EYA1: variants seen among roughly 807,000 people sequenced by gnomAD.
The protein encoded by EYA1 is EYA transcriptional coactivator and phosphatase 1, also known as protein phosphatase EYA1.
In EYA1, 16 loss-of-function variants were observed where a neutral mutation model predicts 82.0. The observed-to-expected ratio is 0.20, with a 90% CI of 0.13 to 0.30. EYA1 has a LOEUF of 0.30. Among genes scored for constraint, EYA1 ranks in the 10% least tolerant of loss-of-function variants. EYA1 has a pLI of 1.00. For missense variants in EYA1, 633 were observed against 730.7 expected (o/e 0.87, Z 1.54); for synonymous variants, 261 against 264.4 (o/e 0.99, Z 0.12).
chr8:71,522,422 A>T (rs1248654916), intron 2 of EYA1, among the ~76,000 whole-genome samples: 1 of 152,222 alleles, frequency 6.6e-6, no homozygotes, highest in African/African-American at 2.4e-5. Context: ...GGTCTCTGCT[A>T]CACAGTAAGT....
intron 2 of EYA1, among the ~76,000 whole-genome samples, chr8:71,444,902 G>A (rs1198765559): frequency 1.3e-5 from 2 of 152,252 alleles, no homozygotes; most frequent in Non-Finnish European, 2.9e-5. Flanking sequence ...AAACTATGCA[G>A]TTTTAAATGA....
At chr8:71,370,402 T>C (rs1828011746) in intron 2 of EYA1, among the ~76,000 whole-genome samples, 1 of 148,390 alleles carries the variant, frequency 6.7e-6, no homozygotes, top group South Asian at 2.2e-4. Flanking sequence ...ACTATGGGCA[T>C]AGATGAAAAA....
intron 2 of EYA1, among the ~76,000 whole-genome samples, chr8:71,518,495 G>A (rs2129266372): frequency 6.6e-6 from 1 of 152,222 alleles, no homozygotes; most frequent in East Asian, 1.9e-4. Flanking sequence ...GGAATAGTGT[G>A]ACCATTACCT....
intron 9 of EYA1, among the ~76,000 whole-genome samples, chr8:71,284,224 G>T (rs990309292): frequency 7.2e-5 from 11 of 152,336 alleles, no homozygotes; most frequent in African/African-American, 2.2e-4. Flanking sequence ...ACCAGAGCTT[G>T]GCTGCTTGGG....
intron 3 of EYA1, among the ~76,000 whole-genome samples, chr8:71,336,098 C>T (rs1462123557): frequency 2.0e-5 from 3 of 152,102 alleles, no homozygotes; most frequent in Non-Finnish European, 4.4e-5. Flanking sequence ...ACATTAAAAC[C>T]AAAGGGGTTA....
chr8:71,276,489 C>T (rs1339638288), intron 9 of EYA1, among the ~76,000 whole-genome samples: 2 of 152,202 alleles, frequency 1.3e-5, no homozygotes, highest in Admixed American at 1.3e-4. Context: ...GGAATCCTCC[C>T]TATCAACAAG....
intron 2 of EYA1, among the ~76,000 whole-genome samples, chr8:71,480,103 GA>G (rs1050049220): frequency 6.6e-6 from 1 of 151,930 alleles, no homozygotes; most frequent in Non-Finnish European, 1.5e-5. Context: ...GAAGAAGAAA[GA>G]AAAAAATCCC....
chr8:71,203,138 G>A (rs886596296), intron 17 of EYA1, among the ~76,000 whole-genome samples: 1 of 152,124 alleles, frequency 6.6e-6, no homozygotes, highest in African/African-American at 2.4e-5. Flanking sequence ...TCTCAACTTT[G>A]ACATTAGCTA....
chr8:71,467,880 T>G (rs1808893603), intron 2 of EYA1, among the ~76,000 whole-genome samples: 1 of 152,170 alleles, frequency 6.6e-6, no homozygotes. Context: ...TCTTGAATAA[T>G]TTGAATTTTC....
At chr8:71,516,944 G>A (rs1813017567) in intron 2 of EYA1, among the ~76,000 whole-genome samples, 1 of 151,946 alleles carries the variant, frequency 6.6e-6, no homozygotes. Context: ...CAAACTACTT[G>A]TGTTCTATCC....
chr8:71,425,316 T>C (rs1277509387), intron 2 of EYA1, among the ~76,000 whole-genome samples: 2 of 151,950 alleles, frequency 1.3e-5, no homozygotes, highest in African/African-American at 4.8e-5. Flanking sequence ...ATGCACACTT[T>C]AAAAACTTGC....
intron 2 of EYA1, among the ~76,000 whole-genome samples, chr8:71,445,520 G>A (rs1430257387): frequency 6.6e-6 from 1 of 152,110 alleles, no homozygotes; most frequent in Non-Finnish European, 1.5e-5. Context: ...GTAAGCAATA[G>A]GAACTGATTT....
At chr8:71,373,466 A>G (rs1828196300) in intron 2 of EYA1, among the ~76,000 whole-genome samples, 1 of 152,076 alleles carries the variant, frequency 6.6e-6, no homozygotes, top group African/African-American at 2.4e-5. Flanking sequence ...ATTATATGAA[A>G]CATTGATGAA....
rs960544603 is a variant in EYA1 at position 71,198,200 on chromosome 8, T to C, written c.*1140A>G. ...AATAAAATATATCTACTATCATCTA[T>C]ATTCTTTGTGGGAAGAAGCATTTGA... On this transcript the variant is annotated 3_prime_UTR_variant, in exon 18 of 18. Transcript: ENST00000340726. 6.6e-6 allele frequency: 1 copy of C among 152,642 alleles called. No individual in the cohort carries two copies. Among genetic ancestry groups the C allele is most frequent in the Admixed American group, 6.5e-5 (1 of 15,282 alleles). The allele number at this position is 152,642 out of a possible 1,614,324, so 9.5% of individuals were successfully genotyped here. A position where few individuals can be genotyped will look rare whatever the true frequency, so the allele number is the denominator to read the frequency against.
At chr8:71,542,759 C>A (rs1405994607) in intron 1 of EYA1, among the ~76,000 whole-genome samples, 1 of 152,186 alleles carries the variant, frequency 6.6e-6, no homozygotes, top group African/African-American at 2.4e-5. Flanking sequence ...AACCATCTGA[C>A]TGGTATGAGA....
At chr8:71,227,262 G>A (rs1352767976) in intron 12 of EYA1, among the ~76,000 whole-genome samples, 1 of 151,822 alleles carries the variant, frequency 6.6e-6, no homozygotes, top group African/African-American at 2.4e-5. Flanking sequence ...AATTTTCAAC[G>A]GGCTTGCTCA....
chr8:71,319,900 C>T (rs1822344006), intron 6 of EYA1, among the ~76,000 whole-genome samples: 1 of 152,036 alleles, frequency 6.6e-6, no homozygotes, highest in Non-Finnish European at 1.5e-5. Context: ...CTCAAGTTCC[C>T]AAAAGAGAAG....
chr8:71,341,790 T>C (rs1825156836), intron 3 of EYA1, among the ~76,000 whole-genome samples: 1 of 152,160 alleles, frequency 6.6e-6, no homozygotes, highest in Non-Finnish European at 1.5e-5. Context: ...GGTACAATCT[T>C]ATGAAAACCA....
intron 2 of EYA1, among the ~76,000 whole-genome samples, chr8:71,412,385 A>T (rs1830646714): frequency 6.9e-6 from 1 of 143,888 alleles, no homozygotes; most frequent in Admixed American, 7.2e-5. Context: ...ATAATAAAAA[A>T]ATATAAAATA....
Sources: gnomAD v4.1 joint callset for allele counts (sites outside exome capture counted in the v4.1 genomes callset) on GRCh38, gnomAD v4.1.1 for gene constraint, MANE v1.5 for transcripts, NCBI Gene and HGNC (gene_info 2026-07-23, HGNC 2026-07-21) for gene names.